Variants in OSBPL9 observed in about 807,000 individuals in gnomAD.
OSBPL9 encodes the protein oxysterol-binding protein-related protein 9.
A neutral mutation model predicts 106.6 loss-of-function variants in OSBPL9; 40 were observed. The observed-to-expected ratio is 0.38, with a 90% CI of 0.29 to 0.49. OSBPL9 has a LOEUF of 0.49. OSBPL9 is among the 20% of genes least tolerant of loss of function. The pLI is 0.97. For synonymous variants in OSBPL9, 269 were observed against 295.4 expected (o/e 0.91, Z 0.92); for missense variants, 609 against 887.2 (o/e 0.69, Z 3.98).
At chr1:51,573,508 C>CA (rs961323006), upstream of OSBPL9, among the ~76,000 whole-genome samples, 4,163 of 23,656 alleles carry the variant, frequency 0.18, 420 homozygotes, top group African/African-American at 0.33. Context: ...AACTCCATCT[C>CA]AAAAAAAAAA....
intron 1 of OSBPL9, among the ~76,000 whole-genome samples, chr1:51,580,906 A>ACTTTTT (rs1645216849): frequency 5.7e-3 from 1 of 174 alleles, no homozygotes; most frequent in African/African-American, 0.031. Flanking sequence ...ATATATATAT[A>ACTTTTT]TATATATATA....
At chr1:51,560,293 G>T in the OSBPL9 span, among the ~76,000 whole-genome samples, 2 of 152,208 alleles carry the variant, frequency 1.3e-5, no homozygotes, top group African/African-American at 4.8e-5. Context: ...GGCTTTAGAG[G>T]CTGACAGACC....
At chr1:51,683,792 C>CAA (rs143195993) in intron 3 of OSBPL9, among the ~76,000 whole-genome samples, 8 of 139,468 alleles carry the variant, frequency 5.7e-5, no homozygotes, top group Admixed American at 2.9e-4. Flanking sequence ...GACTCTGTCT[C>CAA]AAAAAAAAAA....
intron 4 of OSBPL9, among the ~76,000 whole-genome samples, chr1:51,717,833 A>T (rs185655057): frequency 1.3e-5 from 2 of 152,324 alleles, no homozygotes; most frequent in Non-Finnish European, 2.9e-5. Context: ...TAGAGCTACC[A>T]TATAATCCAG....
At chr1:51,545,124 G>A in the OSBPL9 span, among the ~76,000 whole-genome samples, 4 of 152,128 alleles carry the variant, frequency 2.6e-5, no homozygotes, top group South Asian at 2.1e-4. Flanking sequence ...GATTACAGGC[G>A]TGAGCCACCA....
chr1:51,752,792 C>T (rs1300095962), intron 8 of OSBPL9: 3 of 277,732 alleles, frequency 1.1e-5, no homozygotes, highest in Non-Finnish European at 1.5e-5. Context: ...TCTCTTCTTA[C>T]AAGGACACTA....
chr1:51,652,254 G>A (rs976165369), intron 2 of OSBPL9, among the ~76,000 whole-genome samples: 7 of 152,154 alleles, frequency 4.6e-5, no homozygotes, highest in Non-Finnish European at 1.0e-4. Context: ...ATGATTCAAT[G>A]TTGTATTTAT....
At chr1:51,591,704 A>C (rs965469670) in intron 1 of OSBPL9, among the ~76,000 whole-genome samples, 1 of 152,124 alleles carries the variant, frequency 6.6e-6, no homozygotes, top group African/African-American at 2.4e-5. Context: ...AGGCAGAAGA[A>C]TTGCTTGAAT....
At chr1:51,691,272 A>ATTTTT (rs1358388118) in intron 3 of OSBPL9, among the ~76,000 whole-genome samples, 39 of 145,538 alleles carry the variant, frequency 2.7e-4, no homozygotes, top group Non-Finnish European at 3.9e-4. Flanking sequence ...GCTTGCTGTA[A>ATTTTT]CTTTTTTTTT....
chr1:51,780,354 G>A (rs1392257715), intron 15 of OSBPL9, among the ~76,000 whole-genome samples: 1 of 152,106 alleles, frequency 6.6e-6, no homozygotes, highest in African/African-American at 2.4e-5. Flanking sequence ...TGATTCAGCA[G>A]TCCCACTCCT....
intron 4 of OSBPL9, among the ~76,000 whole-genome samples, chr1:51,734,287 A>G (rs1049724974): frequency 3.3e-5 from 5 of 152,168 alleles, no homozygotes; most frequent in African/African-American, 4.8e-5. Flanking sequence ...TGCCACTTCA[A>G]TTAAGTTATT....
At chr1:51,649,850 T>C (rs1220686299) in intron 1 of OSBPL9, among the ~76,000 whole-genome samples, 2 of 151,882 alleles carry the variant, frequency 1.3e-5, no homozygotes, top group Non-Finnish European at 2.9e-5. Context: ...GTTTTAATTA[T>C]TTTCAGTTAT....
At chr1:51,564,837 T>C in the OSBPL9 span, among the ~76,000 whole-genome samples, 3 of 152,198 alleles carry the variant, frequency 2.0e-5, no homozygotes, top group African/African-American at 7.2e-5. Context: ...GCAGCCTCTC[T>C]ACTCTCCCCA....
Position 51,689,302 on chromosome 1 carries a change from T to C in OSBPL9, c.241+19790T>C, listed in dbSNP as rs577073325. On this transcript the variant is annotated intron_variant, in intron 3 of 23. Transcript: ENST00000428468. ...AATTCAGTAGCAAATTCTTTTTTCCTATAGATTTATATTTTTGGCCTTGCT... is the reference window on the plus strand; with the variant it reads ...AATTCAGTAGCAAATTCTTTTTTCCCATAGATTTATATTTTTGGCCTTGCT... Among the ~76,000 whole-genome samples the C allele has an allele frequency of 2.0e-4, 30 of 152,340 alleles. 1 individual carries two copies. In the South Asian group the frequency reaches 6.2e-3, roughly 32 times the overall value.
In OSBPL9 at chr1:51,765,972, G is replaced by A. The variant is rs367629267; in HGVS notation, c.929G>A (p.Arg310His). ...EFHQSGSSPK[R>H]LIDSSGSASV... ...CATCAAAGTGGCTCATCCCCAAAGC[G>A]CTTAATAGAGTGAGTAGATGAACAG... The change falls in exon 12 of 24, where the codon CGC (arginine) becomes CAC (histidine). Residue 310 changes from arginine to histidine, a missense_variant. By Grantham distance (29) the Arg-to-His change is conservative (BLOSUM62 0). This residue lies in a region of OSBPL9 where 356 missense variants were observed against 505.8 expected (regional missense o/e 0.70). Transcript: ENST00000428468. 71 of 1,609,618 alleles carry A rather than the reference G, an allele frequency of 4.4e-5. No homozygotes were observed. Among genetic ancestry groups the A allele is most frequent in the Admixed American group, 1.0e-4 (6 of 58,996 alleles).
At chr1:51,553,926 G>A in the OSBPL9 span, among the ~76,000 whole-genome samples, 13 of 152,154 alleles carry the variant, frequency 8.5e-5, no homozygotes, top group Non-Finnish European at 2.9e-5. Context: ...TGATCCACCC[G>A]CCTCAGCCTC....
intron 2 of OSBPL9, among the ~76,000 whole-genome samples, chr1:51,606,043 A>C (rs552992447): frequency 2.1e-4 from 32 of 152,192 alleles, no homozygotes; most frequent in Admixed American, 5.9e-4. Context: ...AAAGGAAAGA[A>C]AGAAAGAAAT....
intron 1 of OSBPL9, among the ~76,000 whole-genome samples, chr1:51,650,654 A>T (rs765102156): frequency 6.6e-6 from 1 of 152,222 alleles, no homozygotes; most frequent in Non-Finnish European, 1.5e-5. Context: ...GATGTAGGGC[A>T]TCTATAGTTT....
chr1:51,711,779 G>A (rs1396105615), intron 3 of OSBPL9, among the ~76,000 whole-genome samples: 52 of 150,484 alleles, frequency 3.5e-4, no homozygotes, highest in Admixed American at 3.0e-3. Context: ...CAGATGGGGC[G>A]GCGGGGCAGA....
Sources: allele counts gnomAD v4.1 joint callset (sites outside exome capture counted in the v4.1 genomes callset), GRCh38; gene constraint gnomAD v4.1.1; regional missense constraint gnomAD v4.1.1; transcripts MANE v1.5; gene names NCBI Gene and HGNC (gene_info 2026-07-23, HGNC 2026-07-21).